The following GNA14 variants were observed in gnomAD, a reference collection of about 807,000 sequenced individuals.
GNA14 encodes G protein subunit alpha 14.
GNA14 carries 50 observed loss-of-function variants against 42.0 expected under a neutral mutation model. That is an observed-to-expected ratio of 1.19 (90% CI 0.95 to 1.51). GNA14 has a LOEUF of 1.51. Ranked by LOEUF, GNA14 falls within the 40% of genes most tolerant of loss-of-function variation. The pLI, the probability that GNA14 is intolerant of heterozygous loss-of-function variation, is 0.00. For missense variants in GNA14, 473 were observed against 446.2 expected, an observed-to-expected ratio of 1.06 and a Z score of -0.54; for synonymous variants, 173 against 163.1, an observed-to-expected ratio of 1.06 and a Z score of -0.46.
intron 1 of GNA14, among the ~76,000 whole-genome samples, chr9:77,615,156 T>TTGTTTTTA (rs1021756844): frequency 6.6e-6 from 1 of 152,186 alleles, no homozygotes; most frequent in Non-Finnish European, 1.5e-5. Flanking sequence ...AGCAGCACTG[T>TTGTTTTTA]CATGGAGCTT....
At chr9:77,565,349 C>A (rs1378572889) in intron 1 of GNA14, among the ~76,000 whole-genome samples, 1 of 152,006 alleles carries the variant, frequency 6.6e-6, no homozygotes, top group Admixed American at 6.6e-5. Context: ...ATGTAAAATG[C>A]CTTATTAATA....
chr9:77,592,329 C>T (rs144500947), intron 1 of GNA14, among the ~76,000 whole-genome samples: 1 of 152,146 alleles, frequency 6.6e-6, no homozygotes, highest in African/African-American at 2.4e-5. Context: ...CATGTGTTAA[C>T]CCTGATGGCA....
At chr9:77,459,593 C>T (rs1225524182) in intron 2 of GNA14, among the ~76,000 whole-genome samples, 6 of 152,180 alleles carry the variant, frequency 3.9e-5, no homozygotes, top group Admixed American at 2.6e-4. Context: ...AGGTCCCACC[C>T]GCAAGCTCTT....
intron 2 of GNA14, among the ~76,000 whole-genome samples, chr9:77,502,486 G>A (rs1036012357): frequency 2.0e-5 from 3 of 152,252 alleles, no homozygotes; most frequent in African/African-American, 4.8e-5. Context: ...GCTGGGTGAC[G>A]GTTGGGAGAT....
intron 1 of GNA14, among the ~76,000 whole-genome samples, chr9:77,642,199 G>T (rs1183533200): frequency 6.6e-6 from 1 of 152,120 alleles, no homozygotes; most frequent in African/African-American, 2.4e-5. Context: ...AGGTACAGAG[G>T]GTAAAAGTCC....
At chr9:77,611,646 T>C (rs1452787819) in intron 1 of GNA14, among the ~76,000 whole-genome samples, 3 of 152,138 alleles carry the variant, frequency 2.0e-5, no homozygotes, top group Non-Finnish European at 4.4e-5. Flanking sequence ...TCTCCTCCCT[T>C]TGTATTGTCC....
At chr9:77,587,025 T>A (rs985619426) in intron 1 of GNA14, among the ~76,000 whole-genome samples, 3 of 151,934 alleles carry the variant, frequency 2.0e-5, no homozygotes, top group Admixed American at 6.6e-5. Context: ...GGCTGCTTTT[T>A]ATTAAAGGAA....
At chr9:77,506,475 G>T (rs564541931) in intron 2 of GNA14, among the ~76,000 whole-genome samples, 65 of 152,140 alleles carry the variant, frequency 4.3e-4, no homozygotes, top group African/African-American at 1.6e-3. Context: ...TCAAGAGATC[G>T]AGGTCATTCT....
chr9:77,646,503 C>T (rs987988690), intron 1 of GNA14, among the ~76,000 whole-genome samples: 1 of 152,098 alleles, frequency 6.6e-6, no homozygotes, highest in African/African-American at 2.4e-5. Context: ...TAAGGGGGTT[C>T]TTCCGCCCAG....
rs1835499097 is a variant in GNA14 at position 77,428,915 on chromosome 9, C to G, written c.715G>C (p.Asp239His). Residue 239 changes from aspartate to histidine, a missense_variant, in exon 5 of 7, where the codon GAC becomes CAC. Coordinates refer to ENST00000341700, the MANE Select transcript of GNA14 (RefSeq NM_004297.4). ...SEYDQVLAECDNENRMEESKA... is the reference protein window; with the variant it reads ...SEYDQVLAECHNENRMEESKA... ...CTTCCCGCCCAGCATACCTCGTTGT[C>G]ACACTCAGCCAGGACCTGGTCATAT... 1 of 1,613,418 alleles carries G rather than the reference C, an allele frequency of 6.2e-7. No homozygotes were observed. Among genetic ancestry groups the G allele is most frequent in the Non-Finnish European group, 8.5e-7 (1 of 1,179,740 alleles).
intron 1 of GNA14, among the ~76,000 whole-genome samples, chr9:77,636,317 A>G (rs1824183681): frequency 6.6e-6 from 1 of 152,198 alleles, no homozygotes; most frequent in Non-Finnish European, 1.5e-5. Flanking sequence ...TTTCAGGCAA[A>G]ACAATAAAAC....
chr9:77,537,165 G>A (rs148760326), intron 1 of GNA14, among the ~76,000 whole-genome samples: 6 of 151,978 alleles, frequency 3.9e-5, no homozygotes. Context: ...ATCAAATATT[G>A]AGCTTATTTC....
intron 2 of GNA14, among the ~76,000 whole-genome samples, chr9:77,493,942 A>G (rs1282155454): frequency 1.3e-5 from 2 of 152,106 alleles, no homozygotes; most frequent in Non-Finnish European, 2.9e-5. Context: ...TTTGTTTTTG[A>G]CAGAGTCTCA....
chr9:77,566,649 A>T (rs1200821209), intron 1 of GNA14, among the ~76,000 whole-genome samples: 1 of 152,242 alleles, frequency 6.6e-6, no homozygotes, highest in African/African-American at 2.4e-5. Flanking sequence ...AGGCTTCAAT[A>T]TGTCCACTAA....
chr9:77,644,451 AAAAAAAAAAAAAAG>A (rs1824322189), intron 1 of GNA14, among the ~76,000 whole-genome samples: 1 of 148,912 alleles, frequency 6.7e-6, no homozygotes, highest in African/African-American at 2.5e-5. Context: ...AAAAAAAAAA[AAAAAAAAAAAAAAG>A]ACACAGGAAT....
intron 2 of GNA14, among the ~76,000 whole-genome samples, chr9:77,454,885 T>C (rs1443987867): frequency 6.6e-6 from 1 of 152,222 alleles, no homozygotes; most frequent in South Asian, 2.1e-4. Context: ...GGAAATGCCC[T>C]AGATGTTCTG....
At chr9:77,438,568 GA>G (rs1205590786) in intron 2 of GNA14, among the ~76,000 whole-genome samples, 3 of 151,628 alleles carry the variant, frequency 2.0e-5, no homozygotes, top group Non-Finnish European at 2.9e-5. Flanking sequence ...ACGCCTAGCC[GA>G]TTTTTTTTTT....
chr9:77,573,436 G>A (rs867439396), intron 1 of GNA14, among the ~76,000 whole-genome samples: 2 of 151,654 alleles, frequency 1.3e-5, no homozygotes, highest in Admixed American at 6.6e-5. Context: ...GCAACAAAGT[G>A]ACATTCCGTC....
intron 1 of GNA14, among the ~76,000 whole-genome samples, chr9:77,595,854 A>G (rs1482380562): frequency 6.6e-6 from 1 of 152,182 alleles, no homozygotes; most frequent in Admixed American, 6.5e-5. Flanking sequence ...TTCAAAAAAC[A>G]AGCACCTCTT....
Sources: allele counts gnomAD v4.1 joint callset (sites outside exome capture counted in the v4.1 genomes callset), GRCh38; gene constraint gnomAD v4.1.1; transcripts MANE v1.5; gene names NCBI Gene and HGNC (gene_info 2026-07-23, HGNC 2026-07-21).